SPINK5: variants seen among roughly 807,000 people sequenced by gnomAD.
SPINK5 encodes serine peptidase inhibitor Kazal type 5.
SPINK5 carries 125 observed loss-of-function variants against 151.8 expected under a neutral mutation model. The ratio of observed to expected loss-of-function variants is 0.82; its 90% CI spans 0.71 to 0.96. SPINK5 has a LOEUF of 0.96. Ranked by LOEUF, SPINK5 falls within the 40% of genes least tolerant of loss-of-function variation. The pLI is 0.00. For missense variants in SPINK5, 1,194 were observed against 1,291.9 expected, an observed-to-expected ratio of 0.92 and a Z score of 1.16; for synonymous variants, 374 against 395.3, an observed-to-expected ratio of 0.95 and a Z score of 0.64.
intron 4 of SPINK5, among the ~76,000 whole-genome samples, chr5:148,085,115 T>C (rs1470345067): frequency 6.6e-6 from 1 of 151,854 alleles, no homozygotes. Flanking sequence ...GGCCACTGCT[T>C]ATCTTATTTT....
intron 31 of SPINK5, among the ~76,000 whole-genome samples, 169 bp downstream of exon 31, chr5:148,131,558 G>T (rs1322809468): frequency 1.3e-5 from 2 of 152,138 alleles, no homozygotes; most frequent in East Asian, 3.8e-4. Context: ...ATGTAAAATA[G>T]AAAAGATTTA....
At chr5:148,120,743 G>A (rs1370535739) in intron 26 of SPINK5, among the ~76,000 whole-genome samples, 2 of 152,148 alleles carry the variant, frequency 1.3e-5, no homozygotes, top group Non-Finnish European at 2.9e-5. Flanking sequence ...GCCTCCCAAA[G>A]TGCTGGGATT....
chr5:148,096,931 C>G (rs1753485290), intron 10 of SPINK5, among the ~76,000 whole-genome samples: 1 of 151,374 alleles, frequency 6.6e-6, no homozygotes, highest in South Asian at 2.1e-4. Flanking sequence ...GCTTAAGCCT[C>G]ATTTTGAACT....
intron 30 of SPINK5, among the ~76,000 whole-genome samples, chr5:148,127,977 G>A (rs1339056040): frequency 1.3e-5 from 2 of 152,114 alleles, no homozygotes; most frequent in African/African-American, 2.4e-5. Flanking sequence ...GGAGCAAAGA[G>A]GATATGAGAA....
chr5:148,135,281 C>T (rs765075930), intron 32 of SPINK5, among the ~76,000 whole-genome samples: 3 of 152,154 alleles, frequency 2.0e-5, no homozygotes, highest in Non-Finnish European at 2.9e-5. Context: ...CTCACCTTTA[C>T]ATATATCTCA....
chr5:148,079,478 C>A (rs926043869), intron 4 of SPINK5, among the ~76,000 whole-genome samples: 1 of 150,948 alleles, frequency 6.6e-6, no homozygotes, highest in Non-Finnish European at 1.5e-5. Context: ...GACAAATATT[C>A]CTCATAAACA....
At chr5:148,111,925 G>T in intron 19 of SPINK5, 30 bp downstream of exon 19, 1 of 1,613,816 alleles carries the variant, frequency 6.2e-7, no homozygotes, top group South Asian at 1.1e-5. Context: ...TGCTGCTACT[G>T]AGTGTGGGAG....
intron 15 of SPINK5, among the ~76,000 whole-genome samples, chr5:148,103,577 G>C (rs554009239): frequency 1.3e-5 from 2 of 152,224 alleles, no homozygotes; most frequent in East Asian, 3.9e-4. Flanking sequence ...ATAAAGGTTA[G>C]ATCGGTTTTC....
chr5:148,067,773 C>A (rs1423004), intron 2 of SPINK5, among the ~76,000 whole-genome samples: 106,496 of 151,886 alleles, frequency 0.7, 37,804 homozygotes, highest in East Asian at 0.91. Flanking sequence ...CTTATTGATG[C>A]AACTCTTTAA....
rs527478376 is a variant in SPINK5 at position 148,114,369 on chromosome 5, G to A, written c.1895G>A (p.Cys632Tyr). The A allele has an allele frequency of 1.1e-5, 18 of 1,610,984 alleles. No individual in the cohort carries two copies. In the East Asian group the frequency reaches 2.7e-4, roughly 24 times the overall value. The stretch of plus-strand genomic sequence containing the variant: ...CTTTTCTTTTCCTTTTAGGAGACAT[G>A]CGATGAATTTCGGAGACTTTTGCAA... ...KVKREAEKET[C>Y]DEFRRLLQNG... Residue 632 changes from cysteine (C) to tyrosine (Y), a missense_variant, in exon 21 of 33, where the codon TGC (cysteine) becomes TAC (tyrosine). Cys to Tyr is a radical substitution (Grantham distance 194). Coordinates refer to ENST00000256084, the MANE Select transcript of SPINK5 (RefSeq NM_006846.4).
At chr5:148,065,038 AT>A (rs1324584521) in intron 1 of SPINK5, among the ~76,000 whole-genome samples, 1 of 152,130 alleles carries the variant, frequency 6.6e-6, no homozygotes, top group Non-Finnish European at 1.5e-5. Context: ...GGAGGCTGGC[AT>A]TTATTACTCC....
chr5:148,084,343 C>T (rs1406973698), intron 4 of SPINK5, among the ~76,000 whole-genome samples: 1 of 151,844 alleles, frequency 6.6e-6, no homozygotes, highest in Non-Finnish European at 1.5e-5. Flanking sequence ...TTTTCCACTC[C>T]AGCTTGCTGC....
intron 5 of SPINK5, 113 bp downstream of exon 5, chr5:148,086,645 A>C (rs1753163692): frequency 7.4e-7 from 1 of 1,349,736 alleles, no homozygotes; most frequent in Non-Finnish European, 1.0e-6. Flanking sequence ...GGAGTTAGCC[A>C]TTCCTAAATT....
At chr5:148,065,266 T>C in intron 1 of SPINK5, 81 bp from the exon 2 acceptor site, 4 of 1,441,764 alleles carry the variant, frequency 2.8e-6, no homozygotes, top group Non-Finnish European at 3.8e-6. Flanking sequence ...GCAATCAAGA[T>C]GCTGCATTAA....
intron 1 of SPINK5, 87 bp from the exon 2 acceptor site, chr5:148,065,259 AT>A (rs1429125168): frequency 7.1e-7 from 1 of 1,402,586 alleles, no homozygotes. Context: ...CATTAAAGCA[AT>A]CAAGATGCTG....
intron 13 of SPINK5, among the ~76,000 whole-genome samples, chr5:148,101,055 A>G (rs1307194946): frequency 6.6e-6 from 1 of 152,096 alleles, no homozygotes; most frequent in African/African-American, 2.4e-5. Context: ...TACAGTAATG[A>G]GCATTGGAAA....
intron 22 of SPINK5, among the ~76,000 whole-genome samples, chr5:148,117,730 T>A (rs1436548231): frequency 6.6e-6 from 1 of 152,096 alleles, no homozygotes; most frequent in Admixed American, 6.5e-5. Context: ...GAAACCTGCA[T>A]ATATGGAGGG....
chr5:148,088,265 T>A (rs1021568019), intron 5 of SPINK5, among the ~76,000 whole-genome samples: 3 of 151,844 alleles, frequency 2.0e-5, no homozygotes, highest in Admixed American at 6.6e-5. Context: ...TTCCCCATCT[T>A]CTGATGTGGA....
chr5:148,115,310 C>T (rs1754055920), intron 21 of SPINK5, among the ~76,000 whole-genome samples: 1 of 152,110 alleles, frequency 6.6e-6, no homozygotes, highest in Admixed American at 6.5e-5. Context: ...CTTTATCAAC[C>T]TTGAATGCAC....
Sources: allele counts gnomAD v4.1 joint callset (sites outside exome capture counted in the v4.1 genomes callset), GRCh38; gene constraint gnomAD v4.1.1; transcripts MANE v1.5; gene names NCBI Gene and HGNC (gene_info 2026-07-23, HGNC 2026-07-21).